The following SNAPIN variants were observed in gnomAD, a reference collection of about 807,000 sequenced individuals.
SNAPIN encodes SNAP associated protein, also known as SNARE-associated protein Snapin.
SNAPIN carries 16 observed loss-of-function variants against 15.9 expected under a neutral mutation model. That is an observed-to-expected ratio of 1.01 (90% CI 0.68 to 1.53). The LOEUF is 1.53. Among genes scored for constraint, SNAPIN ranks in the 40% most tolerant of loss-of-function variants. SNAPIN has a pLI of 0.00. For synonymous variants in SNAPIN, 83 were observed against 76.2 expected, an observed-to-expected ratio of 1.09 and a Z score of -0.46; for missense variants, 186 against 180.1, an observed-to-expected ratio of 1.03 and a Z score of -0.19.
intron 2 of SNAPIN, 65 bp from the exon 3 acceptor site, chr1:153,659,383 C>G (rs1256721666): frequency 7.2e-7 from 1 of 1,394,682 alleles, no homozygotes; most frequent in Admixed American, 1.7e-5. Flanking sequence ...CCATTACCAG[C>G]CTGCTTTCCC....
At position 153,659,573 on chromosome 1, in the gene SNAPIN, G is replaced by A; in HGVS notation, c.309+7G>A. On this transcript the variant is annotated splice_region_variant and intron_variant, in intron 3 of 3. Transcript: ENST00000368685. Reference sequence around the variant, plus strand: ...CATTCTACAGAATGCTCAGGTAAAAGAATATCTTACCAACAGTGATTCTTT... The same window carrying A: ...CATTCTACAGAATGCTCAGGTAAAAAAATATCTTACCAACAGTGATTCTTT... The A allele has an allele frequency of 6.3e-7, 1 of 1,581,944 alleles. No individual in the cohort carries two copies. The highest frequency in any genetic ancestry group is 8.7e-7 in the Non-Finnish European group (1 of 1,150,650).
chr1:153,658,687 G>A, upstream of SNAPIN: 1 of 1,474,692 alleles, frequency 6.8e-7, no homozygotes, highest in Non-Finnish European at 8.9e-7. Context: ...GCAGTGCGGC[G>A]CGGCTCCGGT....
intron 1 of SNAPIN, 101 bp from the exon 2 acceptor site, chr1:153,659,037 G>A: frequency 6.5e-7 from 1 of 1,549,726 alleles, no homozygotes; most frequent in Non-Finnish European, 8.9e-7. Flanking sequence ...GGAGGGTTCA[G>A]CGGAGGCCGG....
At chr1:153,661,147 C>A in intron 3 of SNAPIN, 53 bp from the exon 4 acceptor site, 1 of 1,459,302 alleles carries the variant, frequency 6.9e-7, no homozygotes, top group Non-Finnish European at 9.6e-7. Context: ...AGTTCACTTA[C>A]ACTCTCAAGC....
chr1:153,659,684 C>G, intron 3 of SNAPIN, 118 bp downstream of exon 3: 1 of 731,546 alleles, frequency 1.4e-6, no homozygotes, highest in South Asian at 1.6e-5. Context: ...TCTCCCAGTA[C>G]TTGAAAAATA....
intron 3 of SNAPIN, among the ~76,000 whole-genome samples, chr1:153,660,348 TAAA>T (rs1168258564): frequency 2.7e-4 from 41 of 149,480 alleles, no homozygotes; most frequent in Non-Finnish European, 5.5e-4. Context: ...TTTTTTTTTT[TAAA>T]TAAAAAGACA....
At chr1:153,659,890 C>T (rs930102613) in intron 3 of SNAPIN, among the ~76,000 whole-genome samples, 3 of 152,096 alleles carry the variant, frequency 2.0e-5, no homozygotes, top group African/African-American at 7.2e-5. Context: ...GCGTGCACAA[C>T]GCCCAGCTAA....
rs768838820 is a variant in SNAPIN at position 153,659,483 on chromosome 1, C to T, written c.226C>T (p.Leu76=). The T allele has an allele frequency of 6.2e-7, 1 of 1,614,122 alleles. No homozygotes were observed. Among genetic ancestry groups the T allele is most frequent in the Non-Finnish European group, 8.5e-7 (1 of 1,179,992 alleles). The change falls in exon 3 of 4, where the codon CTG becomes TTG. Residue 76 remains leucine (L), a synonymous_variant. Coordinates refer to ENST00000368685, the MANE Select transcript of SNAPIN (RefSeq NM_012437.6). ...CATAAATGAGGATCAGAAGGTGGCCCTGGATCTTGACCCCTATGTTAAGAA... is the reference window on the plus strand; with the variant it reads ...CATAAATGAGGATCAGAAGGTGGCCTTGGATCTTGACCCCTATGTTAAGAA... ...CRINEDQKVA[L]DLDPYVKKLL...
Position 153,659,198 on chromosome 1 carries a change from C to T in SNAPIN, c.190+14C>T. ...ACCTAGCCACAGGTGAGTGAGCATCCCTGTGTACCCGGAATTCTTCAGCCC... is the reference window on the plus strand; with the variant it reads ...ACCTAGCCACAGGTGAGTGAGCATCTCTGTGTACCCGGAATTCTTCAGCCC... On this transcript the variant is annotated intron_variant, in intron 2 of 3. Transcript: ENST00000368685. The T allele has an allele frequency of 1.9e-6, 3 of 1,613,666 alleles. No homozygotes were observed. Among genetic ancestry groups the T allele is most frequent in the Middle Eastern group, 3.3e-4 (2 of 6,058 alleles).
At chr1:153,658,996 G>C in intron 1 of SNAPIN, 110 bp downstream of exon 1, 2 of 1,578,422 alleles carry the variant, frequency 1.3e-6, no homozygotes, top group Non-Finnish European at 1.7e-6. Context: ...ACTGATTCGA[G>C]GCGGGGAGGA....
At chr1:153,658,918 G>A (rs764018124) in intron 1 of SNAPIN, 32 bp downstream of exon 1, 1 of 1,607,614 alleles carries the variant, frequency 6.2e-7, no homozygotes, top group South Asian at 1.1e-5. Context: ...GGCGGGGCCT[G>A]TCTCTCTGGC....
intron 3 of SNAPIN, among the ~76,000 whole-genome samples, chr1:153,660,195 G>C (rs924387070): frequency 5.0e-4 from 76 of 151,848 alleles, no homozygotes; most frequent in African/African-American, 1.7e-3. Context: ...GCTAATTTTT[G>C]TATTTTTTCT....
intron 3 of SNAPIN, 67 bp downstream of exon 3, chr1:153,659,633 C>G (rs1431909160): frequency 3.5e-5 from 38 of 1,088,148 alleles, no homozygotes; most frequent in Middle Eastern, 4.0e-4. Flanking sequence ...CAGTGAAAGC[C>G]ACTGTAATTT....
At chr1:153,660,602 C>G (rs904336477) in intron 3 of SNAPIN, among the ~76,000 whole-genome samples, 3 of 147,560 alleles carry the variant, frequency 2.0e-5, no homozygotes, top group African/African-American at 7.6e-5. Context: ...GAGCTGAGAT[C>G]GCACCATTGC....
Position 153,659,708 on chromosome 1 carries a change from G to A in SNAPIN, c.309+142G>A, listed in dbSNP as rs1214663598. The A allele has an allele frequency of 2.9e-5, 19 of 656,446 alleles. No individual in the cohort carries two copies. The South Asian group carries it at 3.0e-4, about 10-fold the overall frequency. The allele number at this position is 656,446 out of a possible 1,614,324, so 40.7% of individuals were successfully genotyped here. Reference sequence around the variant, plus strand: ...ACTTGAAAAATACCTAGGAAAATTCGTCTCATTCTCACTATTCAGTTGCTG... The same window carrying A: ...ACTTGAAAAATACCTAGGAAAATTCATCTCATTCTCACTATTCAGTTGCTG... On this transcript the variant is annotated intron_variant, in intron 3 of 3. Transcript: ENST00000368685.
chr1:153,659,717 T>C (rs897277181), intron 3 of SNAPIN, 151 bp downstream of exon 3: 6 of 637,160 alleles, frequency 9.4e-6, no homozygotes, highest in Non-Finnish European at 1.7e-5. Flanking sequence ...CGTCTCATTC[T>C]CACTATTCAG....
rs760707918 is a variant in SNAPIN, at chr1:153,658,905, GGGGGCGGGGCCTGTCTCTCTGGCTTTGTA to G, written c.143+31_143+59del. 1.2e-6 allele frequency: 2 copies of G among 1,609,136 alleles called. No homozygotes were observed. Among genetic ancestry groups the G allele is most frequent in the Admixed American group, 1.7e-5 (1 of 58,102 alleles). ...CCGTCAGGTGCCCGGGAGGGAAGTT[GGGGGCGGGGCCTGTCTCTCTGGCTTTGTA>G]GGGGCGGGGCCAAGAAAGTGTTCTG... On this transcript the variant is annotated intron_variant, in intron 1 of 3. Transcript: ENST00000368685.
chr1:153,661,096 CTGACTT>C, intron 3 of SNAPIN, 98 bp from the exon 4 acceptor site: 9 of 842,510 alleles, frequency 1.1e-5, no homozygotes, highest in Non-Finnish European at 1.8e-5. Context: ...CTTTTGAAGA[CTGACTT>C]TGAGGTAGAT....
chr1:153,659,407 T>C, intron 2 of SNAPIN, 41 bp from the exon 3 acceptor site: 2 of 1,512,932 alleles, frequency 1.3e-6, no homozygotes, highest in Non-Finnish European at 1.8e-6. Flanking sequence ...GAACAAGAGA[T>C]AAGCCGTTAG....
Sources: gnomAD v4.1 joint callset for allele counts (sites outside exome capture counted in the v4.1 genomes callset) on GRCh38, gnomAD v4.1.1 for gene constraint, MANE v1.5 for transcripts, NCBI Gene and HGNC (gene_info 2026-07-23, HGNC 2026-07-21) for gene names.